Variants in EYS observed in about 807,000 individuals in gnomAD.
The protein encoded by EYS is protein eyes shut homolog.
Under a neutral mutation model 282.1 loss-of-function variants are expected in EYS, and 250 were observed. The observed-to-expected ratio is 0.89, with a 90% confidence interval of 0.80 to 0.98. EYS has a LOEUF of 0.98. Among genes scored for constraint, EYS ranks in the 50% least tolerant of loss-of-function variants. The pLI, the probability that EYS is intolerant of heterozygous loss-of-function variation, is 0.00. For missense variants in EYS, 4,016 were observed against 3,709.0 expected (o/e 1.08, Z -2.15); for synonymous variants, 1,355 against 1,282.9 (o/e 1.06, Z -1.20).
At chr6:65,368,504 C>G (rs536963997) in intron 8 of EYS, among the ~76,000 whole-genome samples, 52 of 151,706 alleles carry the variant, frequency 3.4e-4, no homozygotes, top group African/African-American at 1.2e-3. Flanking sequence ...AATAAAGTTT[C>G]TACCACTTTG....
At chr6:65,170,855 C>G (rs541011873) in intron 12 of EYS, among the ~76,000 whole-genome samples, 1 of 151,378 alleles carries the variant, frequency 6.6e-6, no homozygotes. Context: ...ATTTAGAAAT[C>G]TTTGAATATC....
chr6:65,036,636 AC>A (rs897271906), intron 13 of EYS, among the ~76,000 whole-genome samples: 3 of 152,014 alleles, frequency 2.0e-5, no homozygotes, highest in Non-Finnish European at 2.9e-5. Flanking sequence ...AAACAAAAAA[AC>A]ACCATTGAAA....
chr6:65,168,495 A>G (rs1213643036), intron 12 of EYS, among the ~76,000 whole-genome samples: 1 of 151,234 alleles, frequency 6.6e-6, no homozygotes, highest in Non-Finnish European at 1.5e-5. Flanking sequence ...TCTTCCCTGT[A>G]ACATCAAATG....
At chr6:64,681,877 C>A (rs984814448) in intron 22 of EYS, among the ~76,000 whole-genome samples, 1 of 152,138 alleles carries the variant, frequency 6.6e-6, no homozygotes, top group Non-Finnish European at 1.5e-5. Flanking sequence ...ACATTTGTTA[C>A]ACCACATGTC....
intron 12 of EYS, among the ~76,000 whole-genome samples, chr6:65,214,833 C>A (rs1476366041): frequency 2.6e-5 from 4 of 152,010 alleles, no homozygotes; most frequent in African/African-American, 7.2e-5. Context: ...TTCTGAAAAC[C>A]CTGGGGGCCT....
At chr6:64,074,567 G>A (rs1771700029) in intron 32 of EYS, among the ~76,000 whole-genome samples, 1 of 151,446 alleles carries the variant, frequency 6.6e-6, no homozygotes, top group African/African-American at 2.4e-5. Flanking sequence ...TTGTAATAAT[G>A]CTCCCAATAT....
intron 15 of EYS, among the ~76,000 whole-genome samples, chr6:64,913,250 T>C (rs1274471973): frequency 1.3e-5 from 2 of 152,122 alleles, no homozygotes; most frequent in Admixed American, 6.6e-5. Context: ...TTTAAAAATA[T>C]ATTTTCTTTT....
chr6:64,950,305 AT>A (rs1018497958), intron 14 of EYS, among the ~76,000 whole-genome samples: 2 of 151,988 alleles, frequency 1.3e-5, no homozygotes, highest in Non-Finnish European at 2.9e-5. Context: ...GTCTTTATTT[AT>A]TCTCTTATGC....
rs1485167795 is a variant in EYS, at chr6:64,755,497, T to TACAGAC, written c.3443+57880_3443+57881insGTCTGT. On this transcript the variant is annotated intron_variant, in intron 22 of 42. Coordinates refer to ENST00000503581, the MANE Select transcript of EYS (RefSeq NM_001142800.2). ...AAATAAGAAATCTTGAGAACATACA[T>TACAGAC]ACACACACACACACACACACACACA... Among the ~76,000 whole-genome samples, 188 of 139,016 alleles carry TACAGAC rather than the reference T, an allele frequency of 1.4e-3. 4 individuals are homozygous for TACAGAC. The highest frequency in any genetic ancestry group is 2.6e-3 in the South Asian group (11 of 4,198). 91.2% of individuals were successfully genotyped at this position (139,016 alleles called of 152,430 possible).
At position 64,805,504 on chromosome 6, in the gene EYS, T is replaced by G. The variant is rs984879465; in HGVS notation, c.3443+7874A>C. ...GATCATAAATTATTGCTAGGTATTT[T>G]GAAAGGCAAACTATAATAAATTCTC... On this transcript the variant is annotated intron_variant, in intron 22 of 42. Transcript: ENST00000503581. Among the ~76,000 whole-genome samples the G allele has an allele frequency of 4.0e-5, 6 of 151,884 alleles. No individual in the cohort carries two copies. The East Asian group carries it at 1.2e-3, about 29-fold the overall frequency.
chr6:65,017,017 T>C lies in EYS; in HGVS notation c.2138-19314A>G, dbSNP rs547604549. On this transcript the variant is annotated intron_variant, in intron 13 of 42. Coordinates refer to ENST00000503581, the MANE Select transcript of EYS (RefSeq NM_001142800.2). ...TGCTATCTATCATCTAGAAATTTTA[T>C]GTAAACCAAGGAAGTCTGAGTGATG... Among the ~76,000 whole-genome samples, 104 of 152,322 alleles carry C rather than the reference T, an allele frequency of 6.8e-4. 2 individuals are homozygous for C. The South Asian group carries it at 0.021, about 30-fold the overall frequency.
rs557539692 is a variant in EYS, at chr6:65,027,786, A to T, written c.2137+29828T>A. ...TCATTGTATTTATGTACCAGAAGTT[A>T]TCTGTTCATCTGTTGTAAGGCATGT... On this transcript the variant is annotated intron_variant, in intron 13 of 42. Coordinates refer to ENST00000503581, the MANE Select transcript of EYS (RefSeq NM_001142800.2). 8.2e-4 allele frequency among the ~76,000 whole-genome samples: 125 copies of T among 152,276 alleles called. 2 individuals are homozygous for T. In the South Asian group the frequency reaches 0.025, roughly 31 times the overall value.
chr6:65,568,682 G>C (rs13203580), intron 2 of EYS, among the ~76,000 whole-genome samples: 1 of 152,060 alleles, frequency 6.6e-6, no homozygotes, highest in African/African-American at 2.4e-5. Flanking sequence ...CTTTTGTTTC[G>C]AAAGTGGCTC....
chr6:64,156,643 A>G (rs1348023660), intron 31 of EYS, among the ~76,000 whole-genome samples: 1 of 152,226 alleles, frequency 6.6e-6, no homozygotes, highest in East Asian at 1.9e-4. Context: ...AAAAAGGTCC[A>G]GGCTGAGGTG....
intron 28 of EYS, among the ~76,000 whole-genome samples, chr6:64,427,135 T>C (rs1774436921): frequency 6.6e-6 from 1 of 152,172 alleles, no homozygotes; most frequent in South Asian, 2.1e-4. Flanking sequence ...TCATTAATGG[T>C]TAGTTCCCTT....
intron 30 of EYS, among the ~76,000 whole-genome samples, chr6:64,234,952 A>C (rs1445569437): frequency 6.6e-6 from 1 of 151,464 alleles, no homozygotes; most frequent in Non-Finnish European, 1.5e-5. Context: ...ATCTTGGCTC[A>C]CTGCAACCCC....
intron 31 of EYS, among the ~76,000 whole-genome samples, chr6:64,170,015 T>C (rs1466383765): frequency 6.6e-6 from 1 of 152,050 alleles, no homozygotes; most frequent in East Asian, 1.9e-4. Flanking sequence ...CACCTTATAT[T>C]TGGGTTGTCT....
At chr6:64,844,605 G>T (rs978727076) in intron 19 of EYS, among the ~76,000 whole-genome samples, 10 of 151,854 alleles carry the variant, frequency 6.6e-5, no homozygotes, top group South Asian at 2.1e-4. Flanking sequence ...GAATTATAAG[G>T]TTTCTTGGTT....
intron 15 of EYS, among the ~76,000 whole-genome samples, chr6:64,918,613 TA>T (rs1768236475): frequency 6.6e-6 from 1 of 152,176 alleles, no homozygotes; most frequent in Non-Finnish European, 1.5e-5. Flanking sequence ...AGTAATAAAG[TA>T]CATCAAATTT....
Sources: allele counts gnomAD v4.1 joint callset (sites outside exome capture counted in the v4.1 genomes callset), GRCh38; gene constraint gnomAD v4.1.1; transcripts MANE v1.5; gene names NCBI Gene and HGNC (gene_info 2026-07-23, HGNC 2026-07-21).